URB2: variants seen among roughly 807,000 people sequenced by gnomAD.
The protein encoded by URB2 is URB2 ribosome biogenesis homolog.
Under a neutral mutation model 120.9 loss-of-function variants are expected in URB2, and 86 were observed. The ratio of observed to expected loss-of-function variants is 0.71; its 90% confidence interval spans 0.60 to 0.85. URB2 has a LOEUF of 0.85. Among genes scored for constraint, URB2 ranks in the 40% least tolerant of loss-of-function variants. The pLI, the probability that URB2 is intolerant of heterozygous loss-of-function variation, is 0.00. For synonymous variants in URB2, 755 were observed against 758.4 expected, an observed-to-expected ratio of 1.00 and a Z score of 0.07; for missense variants, 1,765 against 1,836.5, an observed-to-expected ratio of 0.96 and a Z score of 0.71.
At position 229,634,980 on chromosome 1, in the gene URB2, C is replaced by T. The variant is rs1265767877; in HGVS notation, c.367C>T (p.Leu123Phe). The change falls in exon 4 of 10, where the codon CTT becomes TTT. Residue 123 changes from leucine (L) to phenylalanine (F), a missense_variant. Coordinates refer to ENST00000258243, the MANE Select transcript of URB2 (RefSeq NM_014777.4). ...ATCCCAAAGAAACATCTGTGCTGTC[C>T]TTCGATGTTGCCAGGGCATCCTGTC... The part of the protein sequence containing the change: ...SGSQRNICAV[L>F]RCCQGILSTP... The T allele has an allele frequency of 3.8e-6, 6 of 1,596,396 alleles. No homozygotes were observed. Among genetic ancestry groups the T allele is most frequent in the South Asian group, 1.1e-5 (1 of 89,252 alleles).
At chr1:229,641,075 C>T (rs1401542188) in intron 4 of URB2, among the ~76,000 whole-genome samples, 1 of 149,098 alleles carries the variant, frequency 6.7e-6, no homozygotes, top group South Asian at 2.1e-4. Context: ...TACAGTGGCC[C>T]GGTCTCGGCT....
rs1249514824 is a variant in URB2 at position 229,632,301 on chromosome 1, T to C, written c.159T>C (p.Val53=). 1 of 1,582,740 alleles carries C rather than the reference T, an allele frequency of 6.3e-7. No homozygotes were observed. Among genetic ancestry groups the C allele is most frequent in the Non-Finnish European group, 8.5e-7 (1 of 1,169,940 alleles). The change falls in exon 3 of 10, where the codon GTT becomes GTC. Residue 53 remains valine, a synonymous_variant. Transcript: ENST00000258243. ...TTGATTGGGCAAGACAATCATTGGTTGCATTTTATAAGAAAAAGCTTGAAC... is the reference window on the plus strand; with the variant it reads ...TTGATTGGGCAAGACAATCATTGGTCGCATTTTATAAGAAAAAGCTTGAAC... ...VLLDWARQSL[V]AFYKKKLELK...
chr1:229,644,884 A>C (rs570990039), intron 5 of URB2, among the ~76,000 whole-genome samples: 4 of 152,346 alleles, frequency 2.6e-5, no homozygotes, highest in Non-Finnish European at 5.9e-5. Flanking sequence ...CCCACATCTC[A>C]TGGTTTAAAA....
chr1:229,636,775 C>G lies in URB2; in HGVS notation c.2162C>G (p.Ala721Gly). 6.2e-7 allele frequency: 1 copy of G among 1,612,140 alleles called. No individual in the cohort carries two copies. Among genetic ancestry groups the G allele is most frequent in the Non-Finnish European group, 8.5e-7 (1 of 1,178,620 alleles). ...GRKSLNQRTTASWDGQVGMVS... is the reference protein window; with the variant it reads ...GRKSLNQRTTGSWDGQVGMVS... ...AAAAGCTTGAATCAGAGAACGACGG[C>G]TTCCTGGGATGGCCAAGTTGGGATG... is the stretch of plus-strand genomic sequence containing the variant. The change falls in exon 4 of 10, where the codon GCT becomes GGT. Residue 721 changes from alanine (A) to glycine (G), a missense_variant. Coordinates refer to ENST00000258243, the MANE Select transcript of URB2 (RefSeq NM_014777.4).
rs1260098208 is a variant in URB2 at position 229,654,107 on chromosome 1, TCTGCAAAATAAG to T, written c.4238-140_4238-129del. The stretch of plus-strand genomic sequence containing the variant: ...GACATATCTGTTCTCCCTTATTCTG[TCTGCAAAATAAG>T]CCAATTAAAGAGTCTGGGAAAACAT... On this transcript the variant is annotated intron_variant, in intron 8 of 9. Transcript: ENST00000258243. The T allele has an allele frequency of 4.3e-6, 5 of 1,168,718 alleles. No individual in the cohort carries two copies. In the African/African-American group the frequency reaches 7.7e-5, roughly 18 times the overall value. 72.4% of individuals were successfully genotyped at this position (1,168,718 alleles called of 1,614,324 possible).
intron 8 of URB2, among the ~76,000 whole-genome samples, 196 bp downstream of exon 8, chr1:229,651,518 T>C (rs1666273560): frequency 6.6e-6 from 1 of 152,234 alleles, no homozygotes; most frequent in Admixed American, 6.5e-5. Flanking sequence ...AGTGGATGAA[T>C]CAGGCATCTC....
Position 229,636,509 on chromosome 1 carries a change from G to C in URB2, c.1896G>C (p.Gly632=), listed in dbSNP as rs1316048904. 1.2e-6 allele frequency: 2 copies of C among 1,614,068 alleles called. No homozygotes were observed. The highest frequency in any genetic ancestry group is 4.5e-5 in the East Asian group (2 of 44,892). Residue 632 remains glycine (G), a synonymous_variant, in exon 4 of 10, where the codon GGG becomes GGC. Transcript: ENST00000258243. The part of the protein sequence containing the change: ...LNCSQYHSMS[G]PLIGVALEIS... ...GTAGCCAGTATCACTCTATGTCTGG[G>C]CCCCTTATAGGTGTTGCTCTGGAGA...
In URB2 at chr1:229,635,878, T is replaced by G; in HGVS notation, c.1265T>G (p.Ile422Ser). Residue 422 changes from isoleucine to serine, a missense_variant, in exon 4 of 10, where the codon ATT becomes AGT. Transcript: ENST00000258243. ...LKTLISLNHL[I>S]LEPDLDDLLA... Reference sequence around the variant, plus strand: ...ACTTTGATATCTCTGAATCATTTGATTTTGGAGCCAGACCTGGATGACCTG... The same window carrying G: ...ACTTTGATATCTCTGAATCATTTGAGTTTGGAGCCAGACCTGGATGACCTG... The G allele has an allele frequency of 6.2e-7, 1 of 1,614,200 alleles. No individual in the cohort carries two copies. Among genetic ancestry groups the G allele is most frequent in the South Asian group, 1.1e-5 (1 of 91,090 alleles).
chr1:229,626,454 G>C (rs1027121494), intron 1 of URB2, 98 bp downstream of exon 1: 1 of 152,722 alleles, frequency 6.5e-6, no homozygotes, highest in Admixed American at 6.5e-5. Flanking sequence ...CCTACCTAAG[G>C]CCGGGCCCAG....
At chr1:229,651,966 G>C (rs547111470) in intron 8 of URB2, among the ~76,000 whole-genome samples, 12 of 152,278 alleles carry the variant, frequency 7.9e-5, no homozygotes, top group African/African-American at 2.9e-4. Flanking sequence ...TGGATTACCT[G>C]AGGTCAGGAG....
At chr1:229,658,223 C>T (rs760682051) in intron 9 of URB2, among the ~76,000 whole-genome samples, 1 of 152,138 alleles carries the variant, frequency 6.6e-6, no homozygotes. Flanking sequence ...TTAGTTGAAA[C>T]CTGAATGGAT....
In URB2 at chr1:229,635,854, CTT is replaced by C. The variant is rs1262459182; in HGVS notation, c.1243_1244del (p.Leu415AspfsTer14). Reference sequence around the variant, plus strand: ...CCGGCCTGGTTCCGCTGTCTGAAGACTTTGATATCTCTGAATCATTTGATTTT... The same window carrying C: ...CCGGCCTGGTTCCGCTGTCTGAAGACTGATATCTCTGAATCATTTGATTTT... On this transcript the variant is annotated frameshift_variant, in exon 4 of 10. Transcript: ENST00000258243. LOFTEE classifies it high-confidence loss of function. 3 of 1,614,062 alleles carry C rather than the reference CTT, an allele frequency of 1.9e-6. No homozygotes were observed. The African/African-American group carries it at 4.0e-5, about 22-fold the overall frequency.
Position 229,636,448 on chromosome 1 carries a change from C to T in URB2, c.1835C>T (p.Thr612Ile), listed in dbSNP as rs746045082. ...GACTCTGTGCTCCTGCTCTCTTACACTTGGGCCCAGGTGGACGCTATGTTC... is the reference window on the plus strand; with the variant it reads ...GACTCTGTGCTCCTGCTCTCTTACATTTGGGCCCAGGTGGACGCTATGTTC... Reference protein sequence around the residue: ...VSDSVLLLSYTWAQVDAMFSL... With the variant: ...VSDSVLLLSYIWAQVDAMFSL... Residue 612 changes from threonine to isoleucine, a missense_variant, in exon 4 of 10, where the codon ACT (threonine) becomes ATT (isoleucine). Thr to Ile is a moderately conservative substitution (Grantham distance 89, BLOSUM62 -1). Transcript: ENST00000258243. The T allele has an allele frequency of 2.5e-6, 4 of 1,614,256 alleles. No homozygotes were observed. The highest frequency in any genetic ancestry group is 3.4e-6 in the Non-Finnish European group (4 of 1,180,052).
intron 3 of URB2, among the ~76,000 whole-genome samples, chr1:229,632,931 A>G (rs1404400787): frequency 6.6e-6 from 1 of 152,054 alleles, no homozygotes; most frequent in Non-Finnish European, 1.5e-5. Context: ...GTCTCAGATC[A>G]GAAGTAGGAA....
chr1:229,647,446 A>G (rs1666170814), intron 6 of URB2, 64 bp from the exon 7 acceptor site: 4 of 1,562,116 alleles, frequency 2.6e-6, no homozygotes, highest in African/African-American at 1.3e-5. Flanking sequence ...TCAGAGCTGC[A>G]GTGTTTGTGT....
In URB2 at chr1:229,651,422, TTAAA is replaced by T. The variant is rs1284939874; in HGVS notation, c.4237+104_4237+107del. On this transcript the variant is annotated intron_variant, in intron 8 of 9. Transcript: ENST00000258243. The stretch of plus-strand genomic sequence containing the variant: ...TGAAAATAAAACTACTCACTTGTGT[TTAAA>T]TAAGAGAAATGATATCAAATGAATA... The T allele has an allele frequency of 9.5e-6, 9 of 943,932 alleles. No individual in the cohort carries two copies. The Admixed American group carries it at 2.0e-4, about 21-fold the overall frequency. 58.5% of individuals were successfully genotyped at this position (943,932 alleles called of 1,614,324 possible). A position where few individuals can be genotyped will look rare whatever the true frequency, so the allele number is the denominator to read the frequency against.
At chr1:229,640,629 G>A (rs1030225494) in intron 4 of URB2, among the ~76,000 whole-genome samples, 1 of 152,178 alleles carries the variant, frequency 6.6e-6, no homozygotes, top group Non-Finnish European at 1.5e-5. Flanking sequence ...CTTTCGGTAC[G>A]TGAGGGTTAA....
At chr1:229,629,598 A>C (rs975130334) in intron 2 of URB2, among the ~76,000 whole-genome samples, 6 of 152,214 alleles carry the variant, frequency 3.9e-5, no homozygotes, top group African/African-American at 1.2e-4. Flanking sequence ...AAAATTGCCC[A>C]AAAATGCTAG....
chr1:229,655,668 C>T (rs1340560683), intron 9 of URB2, among the ~76,000 whole-genome samples: 2 of 152,236 alleles, frequency 1.3e-5, no homozygotes, highest in East Asian at 1.9e-4. Context: ...AATTGACTGT[C>T]ATAGGCTTGA....
Sources: allele counts gnomAD v4.1 joint callset (sites outside exome capture counted in the v4.1 genomes callset), GRCh38; gene constraint gnomAD v4.1.1; transcripts MANE v1.5; gene names NCBI Gene and HGNC (gene_info 2026-07-23, HGNC 2026-07-21).